The following STOML1 variants were observed in gnomAD, a reference collection of about 807,000 sequenced individuals.
STOML1 encodes stomatin-like protein 1.
A neutral mutation model predicts 35.7 loss-of-function variants in STOML1; 27 were observed. The ratio of observed to expected loss-of-function variants is 0.76; its 90% confidence interval spans 0.56 to 1.04. The LOEUF is 1.04. STOML1 is among the 50% of genes least tolerant of loss of function. The probability of loss-of-function intolerance (pLI) is 0.00; values close to 1 mark genes in which losing one functional copy is unlikely to be tolerated. For synonymous variants in STOML1, 219 were observed against 227.9 expected (o/e 0.96, Z 0.35); for missense variants, 451 against 527.1 (o/e 0.86, Z 1.41).
In STOML1 at chr15:73,990,481, C is replaced by A. The variant is rs756530213; in HGVS notation, c.134-24G>T. On this transcript the variant is annotated intron_variant, in intron 1 of 6. Coordinates refer to ENST00000541638, the MANE Select transcript of STOML1 (RefSeq NM_004809.5). ...ATCTGCAGGTGAGAGCAGAGGTGGTCAACTGGACCTGCACGACAGCTGCCA... is the reference window on the plus strand; with the variant it reads ...ATCTGCAGGTGAGAGCAGAGGTGGTAAACTGGACCTGCACGACAGCTGCCA... The A allele has an allele frequency of 1.9e-6, 3 of 1,569,324 alleles. No homozygotes were observed. In the South Asian group the frequency reaches 3.4e-5, roughly 18 times the overall value.
chr15:73,992,442 G>C (rs1184970105), upstream of STOML1: 5 of 412,956 alleles, frequency 1.2e-5, no homozygotes, highest in Non-Finnish European at 2.0e-5. Flanking sequence ...AGGGCTACTG[G>C]GTGTGATCGG....
chr15:73,987,033 C>G (rs540104620), intron 4 of STOML1: 1 of 154,250 alleles, frequency 6.5e-6, no homozygotes, highest in Non-Finnish European at 1.4e-5. Context: ...AGCACAGAGG[C>G]AGGTGGGTTT....
chr15:73,987,912 T>C (rs2069146500), intron 4 of STOML1: 1 of 152,230 alleles, frequency 6.6e-6, no homozygotes, highest in Non-Finnish European at 1.5e-5. Flanking sequence ...GACTGTCCTC[T>C]AACCTTGATT....
At position 73,988,869 on chromosome 15, in the gene STOML1, G is replaced by A. The variant is rs1018841410; in HGVS notation, c.391-67C>T. 9.6e-6 allele frequency: 15 copies of A among 1,559,352 alleles called. No individual in the cohort carries two copies. Among genetic ancestry groups the A allele is most frequent in the African/African-American group, 2.7e-5 (2 of 73,632 alleles). ...GGGGTGCAGGGAGGTCAGGCCCACT[G>A]GGGCCACCCAGCTTGAACCACCTGC... On this transcript the variant is annotated intron_variant, in intron 3 of 6. Coordinates refer to ENST00000541638, the MANE Select transcript of STOML1 (RefSeq NM_004809.5). The surrounding 1 kb of genome is among the most constrained non-coding windows in gnomAD (Gnocchi z 4.8).
Position 73,992,006 on chromosome 15 carries a change from C to T in STOML1, c.133+85G>A, listed in dbSNP as rs535953421. 4,207 of 1,459,190 alleles carry T rather than the reference C, an allele frequency of 2.9e-3. 11 individuals are homozygous for T. Among genetic ancestry groups the T allele is most frequent in the Non-Finnish European group, 3.4e-3 (3,782 of 1,106,144 alleles). The allele number at this position is 1,459,190 out of a possible 1,614,324, so 90.4% of individuals were successfully genotyped here. A position where few individuals can be genotyped will look rare whatever the true frequency, so the allele number is the denominator to read the frequency against. ...CTCGTAGGGTGCGACGGCACCGGGC[C>T]GGCCGACTCCTCGGAGGCAGAGATT... is the stretch of plus-strand genomic sequence containing the variant. On this transcript the variant is annotated intron_variant, in intron 1 of 6. Transcript: ENST00000541638.
At chr15:73,985,642 G>A in intron 4 of STOML1, 129 bp from the exon 5 acceptor site, 2 of 1,120,938 alleles carry the variant, frequency 1.8e-6, no homozygotes, top group Middle Eastern at 2.8e-4. Flanking sequence ...TCCTAGCCTG[G>A]GAACACAGGC....
At position 73,988,839 on chromosome 15, in the gene STOML1, G is replaced by A; in HGVS notation, c.391-37C>T. 1.3e-6 allele frequency: 2 copies of A among 1,593,110 alleles called. No homozygotes were observed. The highest frequency in any genetic ancestry group is 1.7e-6 in the Non-Finnish European group (2 of 1,164,888). On this transcript the variant is annotated intron_variant, in intron 3 of 6. Transcript: ENST00000541638. The surrounding 1 kb of genome is among the most constrained non-coding windows in gnomAD (Gnocchi z 4.8). Reference sequence around the variant, plus strand: ...GGCCATGAGAGAGAGACACTCAAGGGGCTGGGGGTGCAGGGAGGTCAGGCC... The same window carrying A: ...GGCCATGAGAGAGAGACACTCAAGGAGCTGGGGGTGCAGGGAGGTCAGGCC...
chr15:73,990,873 A>G, intron 1 of STOML1: 2 of 1,535,626 alleles, frequency 1.3e-6, no homozygotes, highest in South Asian at 2.4e-5. Flanking sequence ...ACTGCTGGCA[A>G]AACACATTCC....
At chr15:73,990,235 C>T in intron 2 of STOML1, 116 bp downstream of exon 2, 1 of 891,750 alleles carries the variant, frequency 1.1e-6, no homozygotes, top group Non-Finnish European at 1.8e-6. Context: ...TAGCCCATTA[C>T]ACAAAGGGGT....
chr15:73,990,157 A>G (rs975590253), intron 2 of STOML1, 194 bp downstream of exon 2: 1 of 575,792 alleles, frequency 1.7e-6, no homozygotes, highest in African/African-American at 1.9e-5. Context: ...ACTGGCTCCC[A>G]GTATGACTTT....
At chr15:73,989,751 A>G (rs1024762406) in intron 2 of STOML1, among the ~76,000 whole-genome samples, 7 of 152,202 alleles carry the variant, frequency 4.6e-5, no homozygotes, top group African/African-American at 1.4e-4. Context: ...TCAAGGTCAC[A>G]TGGCATTTGT....
At chr15:73,990,923 C>T in intron 1 of STOML1, 1 of 1,518,154 alleles carries the variant, frequency 6.6e-7, no homozygotes, top group Non-Finnish European at 8.8e-7. Context: ...TTCCAGGAGT[C>T]CTTATGAAGA....
intron 1 of STOML1, chr15:73,991,117 CA>C: frequency 1.8e-6 from 1 of 566,132 alleles, no homozygotes; most frequent in Non-Finnish European, 2.2e-6. Context: ...GACTCCATCT[CA>C]AAAAAACAAC....
chr15:73,986,689 C>G (rs1284227305), intron 4 of STOML1: 1 of 153,216 alleles, frequency 6.5e-6, no homozygotes, highest in Non-Finnish European at 1.5e-5. Flanking sequence ...AAGGGAAGGG[C>G]TGAGAGGTGC....
rs1218200387 is a variant in STOML1, at chr15:73,984,718, T to A, written c.944A>T (p.Gln315Leu). The change falls in exon 6 of 7, where the codon CAG becomes CTG. Residue 315 changes from glutamine to leucine, a missense_variant. Coordinates refer to ENST00000541638, the MANE Select transcript of STOML1 (RefSeq NM_004809.5). The stretch of plus-strand genomic sequence containing the variant: ...GCCGCTGGGCAGGACGACATTGAAC[T>A]GGTAGCAGGCCCCGACTTGGCTGAC... Reference protein sequence around the residue: ...ALVSQVGACYQFNVVLPSGTQ... With the variant: ...ALVSQVGACYLFNVVLPSGTQ... 1.2e-6 allele frequency: 2 copies of A among 1,613,990 alleles called. No individual in the cohort carries two copies. Among genetic ancestry groups the A allele is most frequent in the African/African-American group, 2.7e-5 (2 of 74,944 alleles).
intron 4 of STOML1, chr15:73,986,217 G>A (rs950631392): frequency 6.6e-6 from 1 of 152,306 alleles, no homozygotes; most frequent in Non-Finnish European, 1.5e-5. Flanking sequence ...CAAGCACCAG[G>A]CTCGGGGCTG....
upstream of STOML1, chr15:73,994,576 T>A (rs969795155): frequency 5.0e-5 from 30 of 595,500 alleles, no homozygotes; most frequent in Non-Finnish European, 8.6e-5. Context: ...GGTCTGCAGC[T>A]CTCCGCCTCT....
chr15:73,992,119 C>CGGG lies in STOML1; in HGVS notation c.102_104dup (p.Pro35dup). On this transcript the variant is annotated inframe_insertion, in exon 1 of 7. Coordinates refer to ENST00000541638, the MANE Select transcript of STOML1 (RefSeq NM_004809.5). ...CCCCTGTCCCCACGCCGCCCCGCTC[C>CGGG]GGGGACAAGCAGCCCTTCTGCGAGC... The CGGG allele has an allele frequency of 6.2e-7, 1 of 1,603,274 alleles. No individual in the cohort carries two copies. The highest frequency in any genetic ancestry group is 8.5e-7 in the Non-Finnish European group (1 of 1,176,050).
At chr15:73,985,224 G>A (rs1433021611) in intron 5 of STOML1, 94 bp downstream of exon 5, 2 of 1,333,272 alleles carry the variant, frequency 1.5e-6, no homozygotes, top group Non-Finnish European at 2.0e-6. Flanking sequence ...TCTGTGCAGG[G>A]TGTGTACTGC....
Sources: gnomAD v4.1 joint callset for allele counts (sites outside exome capture counted in the v4.1 genomes callset) on GRCh38, gnomAD v4.1.1 for gene constraint, Gnocchi (gnomAD v3.1) non-coding constraint, MANE v1.5 for transcripts, NCBI Gene and HGNC (gene_info 2026-07-23, HGNC 2026-07-21) for gene names.